Variants in DCDC2 observed in about 807,000 individuals in gnomAD.
DCDC2 encodes the protein doublecortin domain-containing protein 2.
DCDC2 carries 40 observed loss-of-function variants against 50.2 expected under a neutral mutation model. The observed-to-expected ratio is 0.80, with a 90% CI of 0.62 to 1.04. The LOEUF is 1.04. DCDC2 is among the 50% of genes least tolerant of loss of function. The pLI is 0.00. For synonymous variants in DCDC2, 234 were observed against 210.6 expected (o/e 1.11, Z -0.96); for missense variants, 570 against 581.9 (o/e 0.98, Z 0.21).
chr6:24,254,562 T>C (rs531911200), intron 7 of DCDC2, among the ~76,000 whole-genome samples: 2 of 152,308 alleles, frequency 1.3e-5, no homozygotes, highest in South Asian at 4.1e-4. Flanking sequence ...AAAAGATTGT[T>C]ATGTAGCACA....
intron 7 of DCDC2, among the ~76,000 whole-genome samples, chr6:24,240,565 A>C (rs962766330): frequency 4.6e-5 from 7 of 152,202 alleles, no homozygotes; most frequent in Non-Finnish European, 7.4e-5. Context: ...CATTAATGTT[A>C]TTATTTTGAT....
Position 24,229,942 on chromosome 6 carries a change from C to T in DCDC2, c.923-24840G>A, listed in dbSNP as rs12192660. Among the ~76,000 whole-genome samples, 858 of 152,270 alleles carry T rather than the reference C, an allele frequency of 5.6e-3. 2 individuals carry two copies. The highest frequency in any genetic ancestry group is 0.01 in the Middle Eastern group (3 of 294). ...AGACCCATGGTTTGGCCACTGGCTTCCTTCTGACCCACCCAGCCTGCTCTT... is the reference window on the plus strand; with the variant it reads ...AGACCCATGGTTTGGCCACTGGCTTTCTTCTGACCCACCCAGCCTGCTCTT... On this transcript the variant is annotated intron_variant, in intron 7 of 9. Coordinates refer to ENST00000378454, the MANE Select transcript of DCDC2 (RefSeq NM_016356.5).
At chr6:24,247,647 A>G (rs1762708035) in intron 7 of DCDC2, among the ~76,000 whole-genome samples, 1 of 152,192 alleles carries the variant, frequency 6.6e-6, no homozygotes, top group South Asian at 2.1e-4. Context: ...TCAAATAAGG[A>G]TTGGTTATAT....
intron 8 of DCDC2, among the ~76,000 whole-genome samples, chr6:24,188,331 C>T (rs1423313818): frequency 2.0e-5 from 3 of 151,062 alleles, no homozygotes; most frequent in Non-Finnish European, 4.5e-5. Context: ...AATCATGCCT[C>T]TTTAAATGAA....
intron 7 of DCDC2, among the ~76,000 whole-genome samples, chr6:24,266,966 T>C (rs1252683081): frequency 6.6e-6 from 1 of 152,134 alleles, no homozygotes; most frequent in African/African-American, 2.4e-5. Context: ...CAGAGTATTA[T>C]CAACCCATAA....
intron 7 of DCDC2, 164 bp from the exon 8 acceptor site, chr6:24,205,266 G>A: frequency 1.3e-6 from 2 of 1,560,312 alleles, no homozygotes; most frequent in Non-Finnish European, 1.7e-6. Context: ...ACCACCCCCA[G>A]TTGTTCCACA....
intron 8 of DCDC2, among the ~76,000 whole-genome samples, chr6:24,199,481 A>G (rs1200301710): frequency 6.6e-6 from 1 of 152,222 alleles, no homozygotes; most frequent in Non-Finnish European, 1.5e-5. Context: ...AACAAAAAGG[A>G]CATCCACACA....
chr6:24,182,815 G>T (rs1251904283), intron 8 of DCDC2, among the ~76,000 whole-genome samples: 4 of 152,014 alleles, frequency 2.6e-5, no homozygotes, highest in African/African-American at 9.7e-5. Context: ...ATACCCAAAA[G>T]AACTGAAAGC....
chr6:24,221,320 C>T (rs751613834), intron 7 of DCDC2, among the ~76,000 whole-genome samples: 1 of 152,160 alleles, frequency 6.6e-6, no homozygotes, highest in Non-Finnish European at 1.5e-5. Context: ...CAAAGGGACT[C>T]GTGATGTCTG....
At chr6:24,186,596 T>C (rs1761209636) in intron 8 of DCDC2, among the ~76,000 whole-genome samples, 2 of 152,170 alleles carry the variant, frequency 1.3e-5, no homozygotes, top group African/African-American at 2.4e-5. Context: ...CTCTAATCTA[T>C]AACCAATGGA....
In DCDC2 at chr6:24,258,233, C is replaced by T. The variant is rs1316865251; in HGVS notation, c.922+19816G>A. Among the ~76,000 whole-genome samples the T allele has an allele frequency of 5.3e-5, 8 of 152,268 alleles. No individual in the cohort carries two copies. The East Asian group carries it at 1.4e-3, about 26-fold the overall frequency. The stretch of plus-strand genomic sequence containing the variant: ...GAGCAAAAGAAAAACCCTTCCACAG[C>T]GTGCAAGTGGACCCAAGTGGGTTGC... On this transcript the variant is annotated intron_variant, in intron 7 of 9. Transcript: ENST00000378454.
intron 2 of DCDC2, among the ~76,000 whole-genome samples, chr6:24,326,545 A>G (rs1759872195): frequency 6.7e-6 from 1 of 149,300 alleles, no homozygotes. Context: ...AAAAAACACC[A>G]TCATTTGTAT....
chr6:24,210,651 C>T (rs1761847333), intron 7 of DCDC2, among the ~76,000 whole-genome samples: 1 of 152,218 alleles, frequency 6.6e-6, no homozygotes, highest in Non-Finnish European at 1.5e-5. Flanking sequence ...AGCTTACAAA[C>T]TAGTGTCCCT....
rs1581652495 is a variant in DCDC2, at chr6:24,323,501, A to T, written c.349-21457T>A. 2.6e-5 allele frequency among the ~76,000 whole-genome samples: 4 copies of T among 152,104 alleles called. No individual in the cohort carries two copies. The East Asian group carries it at 7.7e-4, about 29-fold the overall frequency. On this transcript the variant is annotated intron_variant, in intron 2 of 9. Transcript: ENST00000378454. ...TGCTATGGCTATGTAGGACATTAAC[A>T]AAGGAACTGGGTGAAGTAAGGTATA...
At chr6:24,292,216 A>G (rs1219991286) in intron 4 of DCDC2, among the ~76,000 whole-genome samples, 1 of 152,226 alleles carries the variant, frequency 6.6e-6, no homozygotes, top group Non-Finnish European at 1.5e-5. Context: ...AAACTAAACC[A>G]GAAAGACAGT....
intron 2 of DCDC2, among the ~76,000 whole-genome samples, chr6:24,346,452 T>C (rs775216220): frequency 4.6e-5 from 7 of 151,970 alleles, no homozygotes; most frequent in Non-Finnish European, 7.4e-5. Flanking sequence ...CTACAAACCA[T>C]TGATAAATTT....
intron 9 of DCDC2, 59 bp downstream of exon 9, chr6:24,178,271 G>T (rs78242664): frequency 1.3e-6 from 2 of 1,513,064 alleles, no homozygotes; most frequent in African/African-American, 1.4e-5. Flanking sequence ...CTGAATGCAC[G>T]CATGTACACA....
chr6:24,266,709 T>G (rs1763129551), intron 7 of DCDC2, among the ~76,000 whole-genome samples: 1 of 152,162 alleles, frequency 6.6e-6, no homozygotes, highest in Non-Finnish European at 1.5e-5. Flanking sequence ...TTGTATACTG[T>G]TGATGGGAAT....
chr6:24,261,910 G>A (rs1477439840), intron 7 of DCDC2, among the ~76,000 whole-genome samples: 1 of 152,118 alleles, frequency 6.6e-6, no homozygotes, highest in Non-Finnish European at 1.5e-5. Flanking sequence ...GTCAGGAAAT[G>A]AGGTGGAGCA....
Sources: allele counts gnomAD v4.1 joint callset (sites outside exome capture counted in the v4.1 genomes callset), GRCh38; gene constraint gnomAD v4.1.1; transcripts MANE v1.5; gene names NCBI Gene and HGNC (gene_info 2026-07-23, HGNC 2026-07-21).